MYOM2: variants seen among roughly 807,000 people sequenced by gnomAD.
The protein encoded by MYOM2 is myomesin 2.
Under a neutral mutation model 187.6 loss-of-function variants are expected in MYOM2, and 254 were observed. That is an observed-to-expected ratio of 1.35 (90% confidence interval 1.22 to 1.50). MYOM2 has a LOEUF of 1.50. Ranked by LOEUF, MYOM2 falls within the 40% of genes most tolerant of loss-of-function variation. The pLI, the probability that MYOM2 is intolerant of heterozygous loss-of-function variation, is 0.00. For synonymous variants in MYOM2, 981 were observed against 753.8 expected, an observed-to-expected ratio of 1.30 and a Z score of -4.94; for missense variants, 2,796 against 1,924.0, an observed-to-expected ratio of 1.45 and a Z score of -8.48.
At chr8:2,103,194 G>C (rs771461345) in intron 21 of MYOM2, among the ~76,000 whole-genome samples, 1 of 151,296 alleles carries the variant, frequency 6.6e-6, no homozygotes, top group Non-Finnish European at 1.5e-5. Context: ...CGGGTGTGTG[G>C]ATAAATGAGT....
At chr8:2,096,195 C>G in intron 17 of MYOM2, 52 bp from the exon 18 acceptor site, 2 of 1,566,998 alleles carry the variant, frequency 1.3e-6, no homozygotes, top group South Asian at 1.2e-5. Context: ...GCCCCGGGGA[C>G]AAAGCCCCCA....
Position 2,085,567 on chromosome 8 carries a change from GC to G in MYOM2, c.1644+181del, listed in dbSNP as rs1554546526. On this transcript the variant is annotated intron_variant, in intron 14 of 36. Coordinates refer to ENST00000262113, the MANE Select transcript of MYOM2 (RefSeq NM_003970.4). Reference sequence around the variant, plus strand: ...GCCCCACTGTCATGATCTCTGCGTGGCCCCACTGTTGTGATCTCTGCGTGGC... The same window carrying G: ...GCCCCACTGTCATGATCTCTGCGTGGCCCACTGTTGTGATCTCTGCGTGGC... Among the ~76,000 whole-genome samples the G allele has an allele frequency of 1.1e-3, 13 of 11,878 alleles. 5 individuals carry two copies. Among genetic ancestry groups the G allele is most frequent in the Middle Eastern group, 0.036 (1 of 28 alleles). The allele number at this position is 11,878 out of a possible 152,430, so 7.8% of individuals were successfully genotyped here. A position where few individuals can be genotyped will look rare whatever the true frequency, so the allele number is the denominator to read the frequency against.
intron 8 of MYOM2, among the ~76,000 whole-genome samples, chr8:2,069,903 C>A (rs144438992): frequency 6.6e-6 from 1 of 152,130 alleles, no homozygotes; most frequent in African/African-American, 2.4e-5. Flanking sequence ...GTTGCTGTTT[C>A]GTGTTTAAGG....
intron 20 of MYOM2, 72 bp from the exon 21 acceptor site, chr8:2,102,595 T>TA: frequency 1.9e-6 from 2 of 1,030,962 alleles, no homozygotes. Context: ...CTATTCACAA[T>TA]AAAATGTGAA....
chr8:2,115,550 T>C (rs1164316166), intron 25 of MYOM2, among the ~76,000 whole-genome samples: 9 of 152,236 alleles, frequency 5.9e-5, no homozygotes, highest in African/African-American at 9.6e-5. Context: ...GAGCTGAAGA[T>C]GACAGTGGCT....
chr8:2,084,043 C>T (rs189605225), intron 13 of MYOM2, among the ~76,000 whole-genome samples: 21 of 152,384 alleles, frequency 1.4e-4, no homozygotes, highest in East Asian at 1.2e-3. Context: ...TTGCTTCCCT[C>T]ATCAGCACCT....
chr8:2,055,370 C>A (rs1818630005), intron 3 of MYOM2, among the ~76,000 whole-genome samples: 1 of 152,232 alleles, frequency 6.6e-6, no homozygotes, highest in East Asian at 1.9e-4. Context: ...GAGGGAGAGA[C>A]CCCTGTGCTG....
At chr8:2,124,262 A>G (rs765617630) in intron 31 of MYOM2, 45 bp downstream of exon 31, 1 of 1,569,516 alleles carries the variant, frequency 6.4e-7, no homozygotes. Flanking sequence ...GGGTGCTGAA[A>G]TCACTATTTC....
chr8:2,142,545 T>C, intron 35 of MYOM2, 148 bp downstream of exon 35: 1 of 809,988 alleles, frequency 1.2e-6, no homozygotes. Flanking sequence ...CCACACCCTG[T>C]CCTGGAGCCC....
intron 13 of MYOM2, among the ~76,000 whole-genome samples, chr8:2,084,769 G>C (rs986582270): frequency 1.3e-5 from 2 of 152,186 alleles, no homozygotes; most frequent in Admixed American, 6.5e-5. Context: ...GGGAGGAGCA[G>C]GCAAGGTGTT....
chr8:2,069,143 G>T, intron 6 of MYOM2, 135 bp from the exon 7 acceptor site: 1 of 796,194 alleles, frequency 1.3e-6, no homozygotes, highest in Non-Finnish European at 2.0e-6. Context: ...AGCTGGCATT[G>T]TTCTTGCACA....
At position 2,142,859 on chromosome 8, in the gene MYOM2, G is replaced by A. The variant is rs375879170; in HGVS notation, c.4024+462G>A. On this transcript the variant is annotated intron_variant, in intron 35 of 36. Transcript: ENST00000262113. ...CAACCTCTGCCTCCTGGGTTCAAGC[G>A]ATTCTCCTGCCTCAACTTCCCGAGT... 6.7e-3 allele frequency among the ~76,000 whole-genome samples: 1,006 copies of A among 150,948 alleles called. 10 individuals are homozygous for A. The highest frequency in any genetic ancestry group is 0.023 in the African/African-American group (958 of 41,102).
Position 2,050,921 on chromosome 8 carries a change from GTC to G in MYOM2, c.107+50_107+51del, listed in dbSNP as rs1585814001. Reference sequence around the variant, plus strand: ...GACGCGCAGAGCTTTGATTATGGGGGTCTGACATTTAAAGGCTTTTCCAGTTC... The same window carrying G: ...GACGCGCAGAGCTTTGATTATGGGGGTGACATTTAAAGGCTTTTCCAGTTC... On this transcript the variant is annotated intron_variant, in intron 2 of 36. Coordinates refer to ENST00000262113, the MANE Select transcript of MYOM2 (RefSeq NM_003970.4). 6.3e-6 allele frequency: 9 copies of G among 1,437,774 alleles called. No individual in the cohort carries two copies. The East Asian group carries it at 2.1e-4, about 34-fold the overall frequency. 89.1% of individuals were successfully genotyped at this position (1,437,774 alleles called of 1,614,324 possible). A position where few individuals can be genotyped will look rare whatever the true frequency, so the allele number is the denominator to read the frequency against.
At chr8:2,108,463 G>A (rs1397225001) in intron 23 of MYOM2, among the ~76,000 whole-genome samples, 1 of 152,140 alleles carries the variant, frequency 6.6e-6, no homozygotes, top group African/African-American at 2.4e-5. Flanking sequence ...TTAAGTGCAA[G>A]GATCTGGAAA....
chr8:2,144,728 AC>A lies in MYOM2; in HGVS notation c.4147del (p.Gln1383ArgfsTer11). 1 of 1,613,846 alleles carries A rather than the reference AC, an allele frequency of 6.2e-7. No individual in the cohort carries two copies. Among genetic ancestry groups the A allele is most frequent in the Non-Finnish European group, 8.5e-7 (1 of 1,179,998 alleles). On this transcript the variant is annotated frameshift_variant, in exon 37 of 37. Transcript: ENST00000262113. LOFTEE classifies it low-confidence loss of function (END_TRUNC). ...CCCGAAGTGATTTGGTTCAAGAACG[AC>A]CAGGACATCCAGCTCAGCGAGCACT... ...PDPEVIWFKNDQDIQLSEHFS... is the reference protein window; with the variant it reads ...PDPEVIWFKNXQDIQLSEHFS...
At chr8:2,085,218 C>G (rs769550229) in intron 13 of MYOM2, 45 bp from the exon 14 acceptor site, 8 of 1,599,396 alleles carry the variant, frequency 5.0e-6, no homozygotes, top group East Asian at 2.2e-5. Flanking sequence ...TGCAGCGAGG[C>G]TGATGGGGGT....
intron 10 of MYOM2, among the ~76,000 whole-genome samples, chr8:2,074,487 C>T (rs1364216845): frequency 6.6e-6 from 1 of 152,090 alleles, no homozygotes; most frequent in East Asian, 1.9e-4. Flanking sequence ...TGGATTAACA[C>T]TCTGTCGCCC....
chr8:2,109,292 C>G (rs1404980027), intron 24 of MYOM2, 103 bp from the exon 25 acceptor site: 2 of 1,338,876 alleles, frequency 1.5e-6, no homozygotes, highest in Non-Finnish European at 2.0e-6. Flanking sequence ...TTCACATTCT[C>G]AAAAATCTAA....
intron 28 of MYOM2, among the ~76,000 whole-genome samples, chr8:2,120,038 T>C (rs1475361050): frequency 6.6e-6 from 1 of 152,156 alleles, no homozygotes; most frequent in African/African-American, 2.4e-5. Context: ...TGATTGCCAC[T>C]GAAGGAGGCA....
Sources: allele counts gnomAD v4.1 joint callset (sites outside exome capture counted in the v4.1 genomes callset), GRCh38; gene constraint gnomAD v4.1.1; transcripts MANE v1.5; gene names NCBI Gene and HGNC (gene_info 2026-07-23, HGNC 2026-07-21).